The following DBNL variants were observed in gnomAD, a reference collection of about 807,000 sequenced individuals.
DBNL encodes the protein drebrin like.
In DBNL, 35 loss-of-function variants were observed where a neutral mutation model predicts 62.2. The observed-to-expected ratio is 0.56, with a 90% CI of 0.43 to 0.75. DBNL has a LOEUF of 0.75. DBNL is among the 30% of genes least tolerant of loss of function. The pLI is 0.00. For missense variants in DBNL, 495 were observed against 578.4 expected (o/e 0.86, Z 1.48); for synonymous variants, 197 against 218.0 (o/e 0.90, Z 0.85).
Position 44,068,212 on chromosome 7 carries a change from A to G in DBNL, c.*7296A>G, listed in dbSNP as rs1321301460. The G allele has an allele frequency of 6.8e-6, 1 of 147,526 alleles. No homozygotes were observed. The highest frequency in any genetic ancestry group is 1.9e-4 in the East Asian group (1 of 5,158). The allele number at this position is 147,526 out of a possible 1,614,324, so 9.1% of individuals were successfully genotyped here. ...CCCCCCTGCGCTGGGCCCTGGATGCAGTTTCAGGGAGTATGCAGCAGGGTA... is the reference window on the plus strand; with the variant it reads ...CCCCCCTGCGCTGGGCCCTGGATGCGGTTTCAGGGAGTATGCAGCAGGGTA... On this transcript the variant is annotated 3_prime_UTR_variant, in exon 13 of 13. Coordinates refer to ENST00000448521, the MANE Select transcript of DBNL (RefSeq NM_001014436.3).
rs879349651 is a variant in DBNL at position 44,061,219 on chromosome 7, C to A, written c.*303C>A. On this transcript the variant is annotated 3_prime_UTR_variant, in exon 13 of 13. Transcript: ENST00000448521. ...GCCCTGAGTGGCCACTGCCAAGCTG[C>A]GGGGAAGGGTCCTGAGCAGGGGCAT... 1 of 402,240 alleles carries A rather than the reference C, an allele frequency of 2.5e-6. No homozygotes were observed. 24.9% of individuals were successfully genotyped at this position (402,240 alleles called of 1,614,324 possible).
chr7:44,065,732 A>T lies in DBNL; in HGVS notation c.*4816A>T. ...CAGGCCAAGAGGCTGTGCTTAAAAT[A>T]GCCCCACGCATCCACCAGCTCCTGG... On this transcript the variant is annotated 3_prime_UTR_variant, in exon 13 of 13. Transcript: ENST00000448521. 1.6e-6 allele frequency: 1 copy of T among 617,784 alleles called. No homozygotes were observed. Among genetic ancestry groups the T allele is most frequent in the Non-Finnish European group, 2.9e-6 (1 of 345,102 alleles). The allele number at this position is 617,784 out of a possible 1,614,324, so 38.3% of individuals were successfully genotyped here. A position where few individuals can be genotyped will look rare whatever the true frequency, so the allele number is the denominator to read the frequency against.
At position 44,066,177 on chromosome 7, in the gene DBNL, G is replaced by GT. The variant is rs2096159604; in HGVS notation, c.*5262dup. 5.8e-6 allele frequency: 1 copy of GT among 171,234 alleles called. No homozygotes were observed. Among genetic ancestry groups the GT allele is most frequent in the Non-Finnish European group, 1.3e-5 (1 of 77,764 alleles). 10.6% of individuals were successfully genotyped at this position (171,234 alleles called of 1,614,324 possible). A position where few individuals can be genotyped will look rare whatever the true frequency, so the allele number is the denominator to read the frequency against. Reference sequence around the variant, plus strand: ...CCTGTCTTTCCTCCGGGGTCCCTTTGTCAAGGTCTCATCCATACATGCCCC... The same window carrying GT: ...CCTGTCTTTCCTCCGGGGTCCCTTTGTTCAAGGTCTCATCCATACATGCCCC... On this transcript the variant is annotated 3_prime_UTR_variant, in exon 13 of 13. Transcript: ENST00000448521.
Position 44,064,877 on chromosome 7 carries a change from C to CA in DBNL, c.*3963dup. On this transcript the variant is annotated 3_prime_UTR_variant, in exon 13 of 13. Coordinates refer to ENST00000448521, the MANE Select transcript of DBNL (RefSeq NM_001014436.3). The stretch of plus-strand genomic sequence containing the variant: ...CCCCGCAGGCTGTTCCCGTGGGCTG[C>CA]AATGAGCACTCGCTTGCCGGCCTTG... The CA allele has an allele frequency of 2.5e-6, 4 of 1,601,836 alleles. No homozygotes were observed. The highest frequency in any genetic ancestry group is 3.4e-6 in the Non-Finnish European group (4 of 1,174,370).
chr7:44,052,012 A>G (rs1028836588), intron 3 of DBNL, 70 bp downstream of exon 3: 8 of 1,405,292 alleles, frequency 5.7e-6, no homozygotes, highest in Non-Finnish European at 7.0e-6. Flanking sequence ...TTTTGACTTG[A>G]CTTCAGGAAC....
In DBNL at chr7:44,056,636, C is replaced by A. The variant is rs996003680; in HGVS notation, c.328-121C>A. 7 of 1,376,074 alleles carry A rather than the reference C, an allele frequency of 5.1e-6. No individual in the cohort carries two copies. In the Admixed American group the frequency reaches 1.8e-4, roughly 36 times the overall value. 85.2% of individuals were successfully genotyped at this position (1,376,074 alleles called of 1,614,324 possible). The stretch of plus-strand genomic sequence containing the variant: ...TTTTCAGCAGCCAGACAGGTGCCTT[C>A]TAGTTTCCTGATTCCAGTCCTGTGT... On this transcript the variant is annotated intron_variant, in intron 4 of 12. Coordinates refer to ENST00000448521, the MANE Select transcript of DBNL (RefSeq NM_001014436.3).
intron 4 of DBNL, among the ~76,000 whole-genome samples, chr7:44,055,679 T>C (rs2096134969): frequency 6.6e-6 from 1 of 152,254 alleles, no homozygotes; most frequent in African/African-American, 2.4e-5. Flanking sequence ...TGAGCATTTT[T>C]TTGTATGTAG....
intron 4 of DBNL, among the ~76,000 whole-genome samples, chr7:44,054,778 C>T (rs909663148): frequency 1.3e-5 from 2 of 152,274 alleles, no homozygotes; most frequent in Admixed American, 1.3e-4. Context: ...AACTTCTCTT[C>T]ATTTTCTCTC....
intron 3 of DBNL, 30 bp from the exon 4 acceptor site, chr7:44,052,837 T>C: frequency 1.2e-6 from 2 of 1,613,222 alleles, no homozygotes; most frequent in Non-Finnish European, 1.7e-6. Context: ...GGGGGAGGCC[T>C]GGGTCAACCT....
At position 44,059,081 on chromosome 7, in the gene DBNL, C is replaced by A; in HGVS notation, c.835+98C>A. On this transcript the variant is annotated intron_variant, in intron 9 of 12. Coordinates refer to ENST00000448521, the MANE Select transcript of DBNL (RefSeq NM_001014436.3). This position sits in a 1 kb window ranked among gnomAD's most constrained non-coding sequence, Gnocchi z 4.1. ...CCCCCAAGGCTAGTGACAGATATAT[C>A]GGTGACGGGTGAGTGAGTGAGGAGA... 7.6e-7 allele frequency: 1 copy of A among 1,320,540 alleles called. No individual in the cohort carries two copies. The allele number at this position is 1,320,540 out of a possible 1,614,324, so 81.8% of individuals were successfully genotyped here. A position where few individuals can be genotyped will look rare whatever the true frequency, so the allele number is the denominator to read the frequency against.
At position 44,066,461 on chromosome 7, in the gene DBNL, A is replaced by G. The variant is rs2096160308; in HGVS notation, c.*5545A>G. ...AGGCAGGGAAGAGACTATGAGCAATAAAGTCACAATTGGGGCCCTAATGAA... is the reference window on the plus strand; with the variant it reads ...AGGCAGGGAAGAGACTATGAGCAATGAAGTCACAATTGGGGCCCTAATGAA... On this transcript the variant is annotated 3_prime_UTR_variant, in exon 13 of 13. Transcript: ENST00000448521. The G allele has an allele frequency of 6.6e-6, 1 of 152,292 alleles. No individual in the cohort carries two copies. Among genetic ancestry groups the G allele is most frequent in the African/African-American group, 2.4e-5 (1 of 41,460 alleles). 9.4% of individuals were successfully genotyped at this position (152,292 alleles called of 1,614,324 possible).
chr7:44,065,083 T>C lies in DBNL; in HGVS notation c.*4167T>C. 6.2e-7 allele frequency: 1 copy of C among 1,612,760 alleles called. No individual in the cohort carries two copies. Among genetic ancestry groups the C allele is most frequent in the Non-Finnish European group, 8.5e-7 (1 of 1,179,974 alleles). On this transcript the variant is annotated 3_prime_UTR_variant, in exon 13 of 13. Transcript: ENST00000448521. Reference sequence around the variant, plus strand: ...CCCACCCGACTCCCCACTCTGCAGCTTCCCAGAGGCCTTCCCAGCAAAGGC... The same window carrying C: ...CCCACCCGACTCCCCACTCTGCAGCCTCCCAGAGGCCTTCCCAGCAAAGGC...
intron 1 of DBNL, among the ~76,000 whole-genome samples, chr7:44,047,939 A>T (rs2096120244): frequency 2.1e-5 from 3 of 140,728 alleles, no homozygotes. Flanking sequence ...TTTTTGAGAC[A>T]AGAGTCTTGC....
chr7:44,049,615 A>G (rs1012388782), intron 1 of DBNL, among the ~76,000 whole-genome samples: 4 of 152,140 alleles, frequency 2.6e-5, no homozygotes, highest in Non-Finnish European at 5.9e-5. Flanking sequence ...GTGTGATTTC[A>G]TGTCGTGTCA....
rs759827542 is a variant in DBNL, at chr7:44,065,440, C to G, written c.*4524C>G. 3 of 1,614,126 alleles carry G rather than the reference C, an allele frequency of 1.9e-6. No homozygotes were observed. The South Asian group carries it at 3.3e-5, about 18-fold the overall frequency. On this transcript the variant is annotated 3_prime_UTR_variant, in exon 13 of 13. Transcript: ENST00000448521. ...TGGCCTCCTCGGTCCCCTTTTCACT[C>G]AGCTCTGCATCGAACCAGCCACAGA...
rs148015804 is a variant in DBNL at position 44,062,340 on chromosome 7, G to A, written c.*1424G>A. On this transcript the variant is annotated 3_prime_UTR_variant, in exon 13 of 13. Coordinates refer to ENST00000448521, the MANE Select transcript of DBNL (RefSeq NM_001014436.3). ...AGAGGCAGGGCTCAAAGTGCCACCC[G>A]GGGGTTGCAAGGACAGCAGAGGACC... 2,667 of 225,584 alleles carry A rather than the reference G, an allele frequency of 0.012. 27 individuals carry two copies. The highest frequency in any genetic ancestry group is 0.02 in the Middle Eastern group (11 of 560). 14.0% of individuals were successfully genotyped at this position (225,584 alleles called of 1,614,324 possible). A position where few individuals can be genotyped will look rare whatever the true frequency, so the allele number is the denominator to read the frequency against.
At position 44,062,839 on chromosome 7, in the gene DBNL, G is replaced by A. The variant is rs2096151806; in HGVS notation, c.*1923G>A. 2 of 1,614,206 alleles carry A rather than the reference G, an allele frequency of 1.2e-6. No homozygotes were observed. Among genetic ancestry groups the A allele is most frequent in the South Asian group, 1.1e-5 (1 of 91,088 alleles). On this transcript the variant is annotated 3_prime_UTR_variant, in exon 13 of 13. Coordinates refer to ENST00000448521, the MANE Select transcript of DBNL (RefSeq NM_001014436.3). ...TTTCCTCATCACCCAGGAACTGCAT[G>A]GGCTTGGTGGGCTTCAGCTCCTTGT...
intron 1 of DBNL, 66 bp downstream of exon 1, chr7:44,044,886 G>C (rs1324726846): frequency 3.7e-6 from 5 of 1,342,774 alleles, no homozygotes; most frequent in Non-Finnish European, 4.8e-6. Flanking sequence ...TCTGGGGCGA[G>C]CGGGGGACTC....
rs369699010 is a variant in DBNL, at chr7:44,058,395, G to A, written c.705-37G>A. The A allele has an allele frequency of 3.9e-4, 627 of 1,614,024 alleles. 2 individuals are homozygous for A. The South Asian group carries it at 6.5e-3, about 17-fold the overall frequency. Reference sequence around the variant, plus strand: ...GGGTGTGGCATGAGAAGCTGTGACTGTGCCTCAGCTGTGCCCCACCCGGCC... The same window carrying A: ...GGGTGTGGCATGAGAAGCTGTGACTATGCCTCAGCTGTGCCCCACCCGGCC... On this transcript the variant is annotated intron_variant, in intron 7 of 12. Coordinates refer to ENST00000448521, the MANE Select transcript of DBNL (RefSeq NM_001014436.3).
Sources: allele counts gnomAD v4.1 joint callset (sites outside exome capture counted in the v4.1 genomes callset), GRCh38; gene constraint gnomAD v4.1.1; non-coding constraint Gnocchi (gnomAD v3.1); transcripts MANE v1.5; gene names NCBI Gene and HGNC (gene_info 2026-07-23, HGNC 2026-07-21).